PRORP: variants seen among roughly 807,000 people sequenced by gnomAD.
PRORP encodes mitochondrial ribonuclease P catalytic subunit.
A neutral mutation model predicts 59.4 loss-of-function variants in PRORP; 51 were observed. The observed-to-expected ratio is 0.86, with a 90% CI of 0.69 to 1.08. PRORP has a LOEUF of 1.08. Among genes scored for constraint, PRORP ranks in the 50% least tolerant of loss-of-function variants. The pLI is 0.00. For missense variants in PRORP, 646 were observed against 690.3 expected, an observed-to-expected ratio of 0.94 and a Z score of 0.72; for synonymous variants, 231 against 245.6, an observed-to-expected ratio of 0.94 and a Z score of 0.55.
At chr14:35,152,078 G>A (rs191411664) in intron 4 of PRORP, among the ~76,000 whole-genome samples, 72 of 152,144 alleles carry the variant, frequency 4.7e-4, no homozygotes, top group African/African-American at 1.7e-3. Context: ...AGGACCCTGC[G>A]GCCCTCCGCA....
At chr14:35,130,222 C>T (rs2047205396) in intron 4 of PRORP, among the ~76,000 whole-genome samples, 1 of 151,616 alleles carries the variant, frequency 6.6e-6, no homozygotes, top group African/African-American at 2.4e-5. Context: ...TTAGTTGAGA[C>T]GGGGCTTCAC....
At position 35,124,872 on chromosome 14, in the gene PRORP, T is replaced by C. The variant is rs201639080; in HGVS notation, c.986+641T>C. On this transcript the variant is annotated intron_variant, in intron 2 of 7. Transcript: ENST00000534898. ...ATATTTATTCTGTCTACTCTCTCCC[T>C]TTTTTTTTTTTTTGAGACGGAGTTT... Among the ~76,000 whole-genome samples, 654 of 137,228 alleles carry C rather than the reference T, an allele frequency of 4.8e-3. 5 individuals carry two copies. Among genetic ancestry groups the C allele is most frequent in the African/African-American group, 0.016 (612 of 38,248 alleles). 90.0% of individuals were successfully genotyped at this position (137,228 alleles called of 152,430 possible). A position where few individuals can be genotyped will look rare whatever the true frequency, so the allele number is the denominator to read the frequency against.
intron 5 of PRORP, among the ~76,000 whole-genome samples, chr14:35,264,687 T>A (rs1279381461): frequency 6.6e-6 from 1 of 152,064 alleles, no homozygotes; most frequent in Non-Finnish European, 1.5e-5. Context: ...GTAATATTTT[T>A]AAAATTCAGC....
intron 6 of PRORP, 148 bp downstream of exon 6, chr14:35,267,023 A>G: frequency 1.3e-6 from 1 of 778,296 alleles, no homozygotes; most frequent in Non-Finnish European, 1.9e-6. Flanking sequence ...GACAACTTAC[A>G]AAACTACGGT....
In PRORP at chr14:35,132,085, C is replaced by T. The variant is rs1302586966; in HGVS notation, c.1167+4474C>T. 4.0e-5 allele frequency among the ~76,000 whole-genome samples: 6 copies of T among 151,684 alleles called. No homozygotes were observed. The East Asian group carries it at 9.9e-4, about 25-fold the overall frequency. ...AACTCCTGACCTGAGGTGATCCGTC[C>T]GCCTCGGCCTCCGAAAGTGCTGGAA... is the stretch of plus-strand genomic sequence containing the variant. On this transcript the variant is annotated intron_variant, in intron 4 of 7. Transcript: ENST00000534898.
Position 35,276,059 on chromosome 14 carries a change from A to C in PRORP, c.*2493A>C, listed in dbSNP as rs2051290417. 1 of 152,396 alleles carries C rather than the reference A, an allele frequency of 6.6e-6. No homozygotes were observed. The highest frequency in any genetic ancestry group is 1.5e-5 in the Non-Finnish European group (1 of 68,192). The allele number at this position is 152,396 out of a possible 1,614,324, so 9.4% of individuals were successfully genotyped here. ...CATGGTGGCCCACACCTACAGTTCC[A>C]GCACTTTGGGAGGCCAAATGGGAGA... On this transcript the variant is annotated 3_prime_UTR_variant, in exon 8 of 8. Transcript: ENST00000534898.
intron 5 of PRORP, among the ~76,000 whole-genome samples, chr14:35,249,850 A>G (rs535683658): frequency 2.6e-5 from 4 of 152,286 alleles, no homozygotes; most frequent in Non-Finnish European, 5.9e-5. Context: ...TCTTCTTTCA[A>G]AGTTCAGGCT....
At chr14:35,191,323 A>G (rs540267354) in intron 5 of PRORP, among the ~76,000 whole-genome samples, 14 of 152,284 alleles carry the variant, frequency 9.2e-5, no homozygotes. Context: ...ACCTTCTGCC[A>G]TGATTGTGAG....
Position 35,123,841 on chromosome 14 carries a change from A to C in PRORP, c.596A>C (p.Glu199Ala). ...MQTSEVIDVF[E>A]IMKARYKTLE... ...ACATCTGAAGTTATTGATGTCTTTG[A>C]AATTATGAAAGCCAGATATAAGACT... Residue 199 changes from glutamate (E) to alanine (A), a missense_variant, in exon 2 of 8, where the codon GAA (glutamate) becomes GCA (alanine). Glu to Ala is a moderately radical substitution (Grantham distance 107). Transcript: ENST00000534898. 6.2e-7 allele frequency: 1 copy of C among 1,614,102 alleles called. No individual in the cohort carries two copies. The highest frequency in any genetic ancestry group is 8.5e-7 in the Non-Finnish European group (1 of 1,180,006).
chr14:35,128,826 A>G (rs1595158073), intron 4 of PRORP, among the ~76,000 whole-genome samples: 1 of 151,950 alleles, frequency 6.6e-6, no homozygotes, highest in East Asian at 1.9e-4. Context: ...TTCCAATTTC[A>G]TTTATTTCTA....
At chr14:35,215,399 C>G (rs750978430) in intron 5 of PRORP, among the ~76,000 whole-genome samples, 1 of 151,676 alleles carries the variant, frequency 6.6e-6, no homozygotes, top group African/African-American at 2.4e-5. Flanking sequence ...TTAGATGAGG[C>G]GATATAAACC....
chr14:35,211,319 C>A (rs1261237369), intron 5 of PRORP, among the ~76,000 whole-genome samples: 1 of 152,134 alleles, frequency 6.6e-6, no homozygotes, highest in Non-Finnish European at 1.5e-5. Flanking sequence ...CAGCTTCCCA[C>A]CTCTAAAGCA....
chr14:35,247,848 T>C (rs2050520266), intron 5 of PRORP, among the ~76,000 whole-genome samples: 1 of 152,174 alleles, frequency 6.6e-6, no homozygotes, highest in African/African-American at 2.4e-5. Context: ...CAAATGCATA[T>C]AAATGTTTGG....
intron 5 of PRORP, among the ~76,000 whole-genome samples, chr14:35,223,610 C>A (rs190978377): frequency 2.0e-5 from 3 of 152,064 alleles, no homozygotes; most frequent in Non-Finnish European, 2.9e-5. Context: ...CAGGTGCGCG[C>A]CACTGCGCCC....
intron 5 of PRORP, among the ~76,000 whole-genome samples, chr14:35,259,747 T>G (rs79100329): frequency 6.6e-6 from 1 of 151,990 alleles, no homozygotes; most frequent in African/African-American, 2.4e-5. Context: ...AAAAAAAAAT[T>G]AGCCAGGCAT....
At chr14:35,149,646 C>A (rs1486120701) in intron 4 of PRORP, among the ~76,000 whole-genome samples, 1 of 152,190 alleles carries the variant, frequency 6.6e-6, no homozygotes, top group Admixed American at 6.5e-5. Context: ...TCAGGTCTTG[C>A]TTTGGCTTAA....
chr14:35,174,658 G>T (rs1322936133), intron 4 of PRORP, among the ~76,000 whole-genome samples: 1 of 151,774 alleles, frequency 6.6e-6, no homozygotes, highest in African/African-American at 2.4e-5. Flanking sequence ...CAGCACGGTT[G>T]TACTGGTAGA....
At chr14:35,183,209 CACAT>C (rs904108117) in intron 5 of PRORP, among the ~76,000 whole-genome samples, 3 of 137,166 alleles carry the variant, frequency 2.2e-5, no homozygotes, top group Non-Finnish European at 3.2e-5. Context: ...AGAAGTTTAA[CACAT>C]ACATACATAC....
At position 35,123,727 on chromosome 14, in the gene PRORP, T is replaced by C; in HGVS notation, c.482T>C (p.Leu161Pro). 1 of 1,614,256 alleles carries C rather than the reference T, an allele frequency of 6.2e-7. No homozygotes were observed. The highest frequency in any genetic ancestry group is 8.5e-7 in the Non-Finnish European group (1 of 1,180,046). Reference protein sequence around the residue: ...CHSSIDVAKSLLAWVAAKNNG... With the variant: ...CHSSIDVAKSPLAWVAAKNNG... The stretch of plus-strand genomic sequence containing the variant: ...AGCTCTATAGATGTGGCTAAATCTC[T>C]GCTGGCATGGGTAGCAGCCAAAAAT... Residue 161 changes from leucine (L) to proline (P), a missense_variant, in exon 2 of 8, where the codon CTG becomes CCG. Physicochemically the swap from Leu to Pro is moderately conservative, Grantham distance 98 (BLOSUM62 -3). Coordinates refer to ENST00000534898, the MANE Select transcript of PRORP (RefSeq NM_014672.4).
Sources: allele counts gnomAD v4.1 joint callset (sites outside exome capture counted in the v4.1 genomes callset), GRCh38; gene constraint gnomAD v4.1.1; transcripts MANE v1.5; gene names NCBI Gene and HGNC (gene_info 2026-07-23, HGNC 2026-07-21).